Variants in PTGER3 observed in about 807,000 individuals in gnomAD.
The protein encoded by PTGER3 is prostaglandin E receptor 3.
A neutral mutation model predicts 34.7 loss-of-function variants in PTGER3; 22 were observed. The ratio of observed to expected loss-of-function variants is 0.63; its 90% confidence interval spans 0.45 to 0.91. PTGER3 has a LOEUF of 0.91. Among genes scored for constraint, PTGER3 ranks in the 40% least tolerant of loss-of-function variants. PTGER3 has a pLI of 0.00. For synonymous variants in PTGER3, 241 were observed against 230.1 expected (o/e 1.05, Z -0.43); for missense variants, 468 against 519.4 (o/e 0.90, Z 0.96).
At chr1:70,965,562 T>C (rs1202556307) in intron 2 of PTGER3, among the ~76,000 whole-genome samples, 1 of 152,174 alleles carries the variant, frequency 6.6e-6, no homozygotes. Flanking sequence ...ACTATATTAC[T>C]ATCTTTTCCC....
intron 4 of PTGER3, among the ~76,000 whole-genome samples, chr1:70,917,940 C>G (rs1647225031): frequency 6.6e-6 from 1 of 151,972 alleles, no homozygotes; most frequent in Non-Finnish European, 1.5e-5. Flanking sequence ...CTTATATAAT[C>G]TGGATATTAA....
intron 2 of PTGER3, among the ~76,000 whole-genome samples, chr1:70,964,166 A>G (rs1387787357): frequency 1.3e-5 from 2 of 152,140 alleles, no homozygotes; most frequent in African/African-American, 4.8e-5. Flanking sequence ...AGGAAGTTCC[A>G]TACTTTCCCG....
intron 4 of PTGER3, among the ~76,000 whole-genome samples, chr1:70,868,133 T>G (rs1646083501): frequency 6.6e-6 from 1 of 151,890 alleles, no homozygotes; most frequent in Admixed American, 6.6e-5. Flanking sequence ...CCCCACTACC[T>G]CCAATCTGTG....
chr1:70,964,750 G>C (rs1652331869), intron 2 of PTGER3, among the ~76,000 whole-genome samples: 1 of 152,166 alleles, frequency 6.6e-6, no homozygotes, highest in Admixed American at 6.5e-5. Context: ...GTAACAAAAG[G>C]ATGGTTTCAG....
At position 70,900,093 on chromosome 1, in the gene PTGER3, A is replaced by G. The variant is rs182306105; in HGVS notation, c.*24-47234T>C. On this transcript the variant is annotated intron_variant, in intron 4 of 4. Transcript: ENST00000370931. ...CCTAAAGCTACCAATTTTCTTCCTTATTTTCTTCAGCATGTTGTTGTTGTT... is the reference window on the plus strand; with the variant it reads ...CCTAAAGCTACCAATTTTCTTCCTTGTTTTCTTCAGCATGTTGTTGTTGTT... 5.9e-5 allele frequency among the ~76,000 whole-genome samples: 9 copies of G among 151,994 alleles called. No homozygotes were observed. The East Asian group carries it at 1.7e-3, about 29-fold the overall frequency.
intron 2 of PTGER3, among the ~76,000 whole-genome samples, chr1:70,987,266 CAAGTT>C (rs1011801674): frequency 4.6e-5 from 7 of 152,178 alleles, no homozygotes; most frequent in African/African-American, 1.7e-4. Flanking sequence ...TAATTCCAAA[CAAGTT>C]AAGAATATAT....
intron 2 of PTGER3, among the ~76,000 whole-genome samples, chr1:70,976,259 T>C (rs1015301277): frequency 1.3e-5 from 2 of 152,144 alleles, no homozygotes; most frequent in African/African-American, 2.4e-5. Flanking sequence ...GATTCCATAA[T>C]AGTGGACGCG....
chr1:70,990,130 G>A (rs994038302), intron 2 of PTGER3, among the ~76,000 whole-genome samples: 1 of 151,756 alleles, frequency 6.6e-6, no homozygotes, highest in African/African-American at 2.4e-5. Flanking sequence ...GAGTTGGGCG[G>A]ATCACGAGGT....
intron 4 of PTGER3, chr1:70,852,939 A>G (rs964412397): frequency 6.9e-7 from 1 of 1,448,574 alleles, no homozygotes; most frequent in Non-Finnish European, 9.7e-7. Flanking sequence ...AAGGCAATAA[A>G]TTCTCATAAA....
At chr1:70,854,673 G>T (rs769910344) in intron 4 of PTGER3, among the ~76,000 whole-genome samples, 2 of 152,136 alleles carry the variant, frequency 1.3e-5, no homozygotes, top group Non-Finnish European at 2.9e-5. Flanking sequence ...TGCCATAATT[G>T]TAAATTTCCT....
chr1:71,031,123 A>G (rs1027194666), intron 1 of PTGER3, among the ~76,000 whole-genome samples: 1 of 152,154 alleles, frequency 6.6e-6, no homozygotes, highest in African/African-American at 2.4e-5. Context: ...ATTGTCAAGT[A>G]TGTACCTGCA....
chr1:71,040,899 C>T (rs12035634), intron 1 of PTGER3, among the ~76,000 whole-genome samples: 25,034 of 152,040 alleles, frequency 0.16, 2,848 homozygotes, highest in East Asian at 0.41. Context: ...TTAGCCAATC[C>T]AAGAGAGGTG....
chr1:70,935,689 A>ATATT (rs1400857618), intron 4 of PTGER3, among the ~76,000 whole-genome samples: 2 of 149,110 alleles, frequency 1.3e-5, no homozygotes, highest in Non-Finnish European at 3.0e-5. Context: ...ATATATATAT[A>ATATT]TATATGTTCT....
At chr1:70,964,002 T>C (rs1388600405) in intron 2 of PTGER3, among the ~76,000 whole-genome samples, 3 of 152,332 alleles carry the variant, frequency 2.0e-5, no homozygotes, top group Non-Finnish European at 4.4e-5. Context: ...GGGCAGAGGC[T>C]AAAAGCCGTC....
At chr1:70,887,304 G>T (rs905402993) in intron 4 of PTGER3, among the ~76,000 whole-genome samples, 44 of 152,156 alleles carry the variant, frequency 2.9e-4, no homozygotes, top group African/African-American at 1.0e-3. Flanking sequence ...TTTCATGCAT[G>T]ACTTGGTATA....
rs1657031412 is a variant in PTGER3, at chr1:71,007,064, C to A, written c.1077+5241G>T. On this transcript the variant is annotated intron_variant, in intron 2 of 3. Coordinates refer to ENST00000306666, the MANE Select transcript of PTGER3 (RefSeq NM_198719.2). ...TATTTAAATACACTGACGATAACTACCCATAAAACTTTACATAGAGGTGAT... is the reference window on the plus strand; with the variant it reads ...TATTTAAATACACTGACGATAACTAACCATAAAACTTTACATAGAGGTGAT... 3.0e-6 allele frequency: 3 copies of A among 984,892 alleles called. No homozygotes were observed. The South Asian group carries it at 1.4e-4, about 46-fold the overall frequency. 61.0% of individuals were successfully genotyped at this position (984,892 alleles called of 1,614,324 possible).
intron 4 of PTGER3, among the ~76,000 whole-genome samples, chr1:70,890,396 C>A (rs1469107038): frequency 2.0e-5 from 3 of 151,978 alleles, no homozygotes; most frequent in Admixed American, 2.0e-4. Context: ...TGAAATGACC[C>A]CCAAATCTAT....
intron 2 of PTGER3, among the ~76,000 whole-genome samples, chr1:70,976,132 AAAGT>A (rs1019874892): frequency 6.6e-6 from 1 of 152,078 alleles, no homozygotes; most frequent in East Asian, 1.9e-4. Flanking sequence ...AAAAAAACCT[AAAGT>A]AAGAGGCACT....
At chr1:71,005,781 A>C in intron 2 of PTGER3, 1 of 838,022 alleles carries the variant, frequency 1.2e-6, no homozygotes, top group Non-Finnish European at 1.4e-6. Flanking sequence ...GAAACTGGGG[A>C]ATGTCTCACC....
Sources: allele counts gnomAD v4.1 joint callset (sites outside exome capture counted in the v4.1 genomes callset), GRCh38; gene constraint gnomAD v4.1.1; transcripts MANE v1.5; gene names NCBI Gene and HGNC (gene_info 2026-07-23, HGNC 2026-07-21).